SGCZ: variants seen among roughly 807,000 people sequenced by gnomAD.
SGCZ encodes sarcoglycan zeta, also known as zeta-sarcoglycan.
Under a neutral mutation model 41.3 loss-of-function variants are expected in SGCZ, and 40 were observed. The observed-to-expected ratio is 0.97, with a 90% CI of 0.75 to 1.26. The LOEUF (loss-of-function observed/expected upper bound fraction) is 1.26. Among genes scored for constraint, SGCZ ranks in the 50% most tolerant of loss-of-function variants. The pLI, the probability that SGCZ is intolerant of heterozygous loss-of-function variation, is 0.00. For synonymous variants in SGCZ, 206 were observed against 137.5 expected (o/e 1.50, Z -3.49); for missense variants, 552 against 369.8 (o/e 1.49, Z -4.04).
intron 1 of SGCZ, among the ~76,000 whole-genome samples, chr8:14,773,650 C>G (rs1305715632): frequency 6.6e-6 from 1 of 152,126 alleles, no homozygotes; most frequent in African/African-American, 2.4e-5. Context: ...CTCTATATTG[C>G]CAACACTGCA....
chr8:15,082,304 G>T (rs952978632), intron 1 of SGCZ, among the ~76,000 whole-genome samples: 2 of 152,006 alleles, frequency 1.3e-5, no homozygotes, highest in South Asian at 4.1e-4. Context: ...AAGTAGTTTA[G>T]TTTATTTGGA....
Position 15,206,849 on chromosome 8 carries a change from A to G in SGCZ, c.39+30736T>C, listed in dbSNP as rs530458994. Among the ~76,000 whole-genome samples the G allele has an allele frequency of 5.9e-5, 9 of 152,304 alleles. No individual in the cohort carries two copies. In the South Asian group the frequency reaches 1.9e-3, roughly 32 times the overall value. On this transcript the variant is annotated intron_variant, in intron 1 of 7. Transcript: ENST00000382080. ...GCATAATTCGAGGGGTACTTTAGAA[A>G]GGTGAATTTGACCTTAGTATGCAAA...
Position 14,090,312 on chromosome 8 carries a change from G to A in SGCZ, c.*131C>T. The A allele has an allele frequency of 1.1e-6, 1 of 879,944 alleles. No individual in the cohort carries two copies. The highest frequency in any genetic ancestry group is 2.5e-5 in the East Asian group (1 of 39,568). The allele number at this position is 879,944 out of a possible 1,614,324, so 54.5% of individuals were successfully genotyped here. A position where few individuals can be genotyped will look rare whatever the true frequency, so the allele number is the denominator to read the frequency against. ...CAAGAGAAGGTGGTGGCGAATCCCT[G>A]CTCACACTGGAAGTTGCTCTGTGGA... On this transcript the variant is annotated 3_prime_UTR_variant, in exon 8 of 8. Transcript: ENST00000382080.
At chr8:15,236,604 G>C (rs1413892176) in intron 1 of SGCZ, among the ~76,000 whole-genome samples, 5 of 152,136 alleles carry the variant, frequency 3.3e-5, no homozygotes, top group Admixed American at 2.6e-4. Flanking sequence ...TTTACGGTGA[G>C]CGGGACATTT....
intron 1 of SGCZ, among the ~76,000 whole-genome samples, chr8:15,146,723 A>G (rs573730086): frequency 1.3e-5 from 2 of 152,256 alleles, no homozygotes; most frequent in East Asian, 1.9e-4. Flanking sequence ...TACCTGTACT[A>G]TTTTTTTAAA....
intron 1 of SGCZ, among the ~76,000 whole-genome samples, chr8:15,216,745 A>T (rs1042629727): frequency 4.6e-5 from 7 of 152,248 alleles, no homozygotes; most frequent in African/African-American, 1.7e-4. Context: ...AAATTTGGTC[A>T]TAGTAGCTGC....
intron 1 of SGCZ, among the ~76,000 whole-genome samples, chr8:15,042,653 T>G (rs1459910787): frequency 1.3e-5 from 2 of 152,190 alleles, no homozygotes; most frequent in African/African-American, 4.8e-5. Context: ...AGACTATACA[T>G]TCTGCCATCT....
intron 1 of SGCZ, among the ~76,000 whole-genome samples, chr8:14,940,458 T>C (rs1203357313): frequency 6.6e-6 from 1 of 152,138 alleles, no homozygotes; most frequent in African/African-American, 2.4e-5. Flanking sequence ...GCAAAAAATA[T>C]ACAACAATAT....
At chr8:14,858,709 G>A (rs1803623615) in intron 1 of SGCZ, among the ~76,000 whole-genome samples, 1 of 152,036 alleles carries the variant, frequency 6.6e-6, no homozygotes, top group African/African-American at 2.4e-5. Context: ...GCCTGATTTT[G>A]TAACATAATA....
At chr8:14,443,189 T>A (rs1008539662) in intron 2 of SGCZ, among the ~76,000 whole-genome samples, 1 of 152,218 alleles carries the variant, frequency 6.6e-6, no homozygotes, top group African/African-American at 2.4e-5. Context: ...GAATATTCCA[T>A]GCTCATGGGT....
intron 3 of SGCZ, among the ~76,000 whole-genome samples, chr8:14,307,323 T>C (rs1336837335): frequency 6.6e-6 from 1 of 152,160 alleles, no homozygotes; most frequent in Non-Finnish European, 1.5e-5. Flanking sequence ...AAAGAAACAG[T>C]TCAGCTACAC....
chr8:15,196,366 A>G (rs947293640), intron 1 of SGCZ, among the ~76,000 whole-genome samples: 2 of 152,196 alleles, frequency 1.3e-5, no homozygotes, highest in Admixed American at 1.3e-4. Flanking sequence ...AAAGCTCCCA[A>G]ATGAAAACAC....
chr8:14,256,525 C>A (rs1338731124), intron 3 of SGCZ, among the ~76,000 whole-genome samples: 3 of 151,200 alleles, frequency 2.0e-5, no homozygotes, highest in Non-Finnish European at 4.4e-5. Flanking sequence ...ATATATAAAT[C>A]CTACTATGAG....
chr8:14,471,504 T>A (rs1299374267), intron 2 of SGCZ, among the ~76,000 whole-genome samples: 1 of 152,098 alleles, frequency 6.6e-6, no homozygotes, highest in African/African-American at 2.4e-5. Context: ...AAGGAAGACA[T>A]AGTCTCTGGG....
intron 1 of SGCZ, among the ~76,000 whole-genome samples, chr8:14,633,248 C>A (rs1212597272): frequency 2.0e-5 from 3 of 151,884 alleles, no homozygotes; most frequent in Non-Finnish European, 4.4e-5. Context: ...ATATAGACAG[C>A]ACAGTTTATT....
intron 1 of SGCZ, among the ~76,000 whole-genome samples, chr8:14,657,709 A>G (rs1017526185): frequency 1.3e-5 from 2 of 151,526 alleles, no homozygotes; most frequent in African/African-American, 4.9e-5. Flanking sequence ...TTGTCAACAC[A>G]TATTGTGTTC....
At chr8:14,363,627 G>C (rs1030565655) in intron 2 of SGCZ, among the ~76,000 whole-genome samples, 1 of 151,838 alleles carries the variant, frequency 6.6e-6, no homozygotes, top group African/African-American at 2.4e-5. Context: ...ATAACAACTG[G>C]CTAAGAAAAA....
intron 1 of SGCZ, among the ~76,000 whole-genome samples, chr8:14,827,995 C>T (rs1264275813): frequency 6.6e-6 from 1 of 152,114 alleles, no homozygotes; most frequent in African/African-American, 2.4e-5. Flanking sequence ...AAAATAAACT[C>T]GTACTACTTG....
chr8:14,852,309 G>C (rs775006941), intron 1 of SGCZ, among the ~76,000 whole-genome samples: 1 of 152,084 alleles, frequency 6.6e-6, no homozygotes, highest in Non-Finnish European at 1.5e-5. Context: ...AAGGTAAAAT[G>C]TATTCTACAG....
Sources: gnomAD v4.1 joint callset for allele counts (sites outside exome capture counted in the v4.1 genomes callset) on GRCh38, gnomAD v4.1.1 for gene constraint, MANE v1.5 for transcripts, NCBI Gene and HGNC (gene_info 2026-07-23, HGNC 2026-07-21) for gene names.